Variants in HERC2 observed in about 807,000 individuals in gnomAD.
HERC2 encodes the protein E3 ubiquitin-protein ligase HERC2.
HERC2 carries 102 observed loss-of-function variants against 537.7 expected under a neutral mutation model. That is an observed-to-expected ratio of 0.19 (90% CI 0.16 to 0.22). The LOEUF (loss-of-function observed/expected upper bound fraction) is 0.22. Among genes scored for constraint, HERC2 ranks in the 10% least tolerant of loss-of-function variants. The pLI, the probability that HERC2 is intolerant of heterozygous loss-of-function variation, is 1.00. For missense variants in HERC2, 4,236 were observed against 6,198.2 expected (o/e 0.68, Z 10.63); for synonymous variants, 2,224 against 2,466.2 (o/e 0.90, Z 2.91).
At chr15:28,311,563 G>A (rs1470413134) in intron 2 of HERC2, among the ~76,000 whole-genome samples, 4 of 152,092 alleles carry the variant, frequency 2.6e-5, no homozygotes, top group Non-Finnish European at 5.9e-5. Flanking sequence ...AATTAGTTCC[G>A]TTTTAACCAC....
intron 89 of HERC2, among the ~76,000 whole-genome samples, chr15:28,115,032 A>C (rs1209967207): frequency 2.0e-5 from 3 of 151,940 alleles, no homozygotes; most frequent in African/African-American, 7.3e-5. Context: ...AAAACTAACC[A>C]CCGAGAAAGT....
At chr15:28,245,824 T>C (rs1903654693) in intron 23 of HERC2, 57 bp downstream of exon 23, 4 of 1,393,900 alleles carry the variant, frequency 2.9e-6, no homozygotes, top group East Asian at 4.6e-5. Flanking sequence ...AAGGCAAGAA[T>C]AGGTTAGACA....
intron 65 of HERC2, among the ~76,000 whole-genome samples, chr15:28,170,862 A>G (rs1302877573): frequency 6.6e-6 from 1 of 152,166 alleles, no homozygotes; most frequent in Non-Finnish European, 1.5e-5. Context: ...CAAAGAGGAG[A>G]TATGGACAGT....
intron 78 of HERC2, among the ~76,000 whole-genome samples, chr15:28,138,302 T>C (rs1890857541): frequency 6.6e-6 from 1 of 152,170 alleles, no homozygotes; most frequent in Admixed American, 6.5e-5. Flanking sequence ...CAACCGTCTA[T>C]TGGAAGAAGA....
chr15:28,186,457 C>G, intron 56 of HERC2, 120 bp downstream of exon 56: 2 of 693,004 alleles, frequency 2.9e-6, no homozygotes, highest in Non-Finnish European at 4.5e-6. Context: ...ATTTACCAAT[C>G]GTGTGGACAT....
intron 4 of HERC2, 131 bp from the exon 5 acceptor site, chr15:28,280,418 A>G (rs1596380335): frequency 4.3e-6 from 3 of 704,496 alleles, no homozygotes; most frequent in African/African-American, 3.6e-5. Flanking sequence ...GGTTTTAACC[A>G]CTTTACACAC....
rs367818214 is a variant in HERC2 at position 28,194,312 on chromosome 15, G to A, written c.8260+1903C>T. 4.3e-3 allele frequency among the ~76,000 whole-genome samples: 605 copies of A among 142,046 alleles called. 4 individuals carry two copies. The highest frequency in any genetic ancestry group is 0.015 in the African/African-American group (575 of 39,096). 93.2% of individuals were successfully genotyped at this position (142,046 alleles called of 152,430 possible). Reference sequence around the variant, plus strand: ...GATCTCCTGACCTCGTGATCCACCCGCCTCGCCTCCAAAAGTGCTGGGATT... The same window carrying A: ...GATCTCCTGACCTCGTGATCCACCCACCTCGCCTCCAAAAGTGCTGGGATT... On this transcript the variant is annotated intron_variant, in intron 52 of 92. Coordinates refer to ENST00000261609, the MANE Select transcript of HERC2 (RefSeq NM_004667.6).
intron 14 of HERC2, among the ~76,000 whole-genome samples, chr15:28,264,731 A>G (rs144669539): frequency 3.3e-5 from 5 of 152,348 alleles, no homozygotes; most frequent in African/African-American, 1.2e-4. Context: ...AGACCTTACA[A>G]AACTTTTAAC....
chr15:28,275,919 C>A (rs1033312769), intron 5 of HERC2, among the ~76,000 whole-genome samples: 1 of 151,936 alleles, frequency 6.6e-6, no homozygotes, highest in African/African-American at 2.4e-5. Flanking sequence ...ACTATATTCT[C>A]CAAATTTACT....
At chr15:28,307,866 T>C (rs1477741393) in intron 2 of HERC2, among the ~76,000 whole-genome samples, 3 of 152,248 alleles carry the variant, frequency 2.0e-5, no homozygotes, top group East Asian at 3.9e-4. Context: ...TCACCGTAGA[T>C]GTGCGGATTT....
chr15:28,225,314 G>C (rs542338166), intron 35 of HERC2, among the ~76,000 whole-genome samples: 1 of 152,134 alleles, frequency 6.6e-6, no homozygotes, highest in East Asian at 1.9e-4. Flanking sequence ...GATTAGAGCA[G>C]CCATAAATTA....
chr15:28,197,882 A>C (rs1038123680), intron 50 of HERC2, among the ~76,000 whole-genome samples: 9 of 152,206 alleles, frequency 5.9e-5, no homozygotes, highest in South Asian at 2.1e-4. Flanking sequence ...AGGCACAACC[A>C]AAACCCCTAC....
intron 78 of HERC2, among the ~76,000 whole-genome samples, chr15:28,139,602 T>C (rs971568862): frequency 6.6e-6 from 1 of 152,192 alleles, no homozygotes; most frequent in Non-Finnish European, 1.5e-5. Flanking sequence ...AGACAGTACA[T>C]TACATGAGAG....
chr15:28,116,558 G>A, intron 88 of HERC2, 107 bp downstream of exon 88: 1 of 1,161,312 alleles, frequency 8.6e-7, no homozygotes, highest in Non-Finnish European at 1.2e-6. Context: ...AAAACTAAAA[G>A]CAGATATTCA....
chr15:28,124,819 G>T (rs1462182604), intron 84 of HERC2, among the ~76,000 whole-genome samples, 187 bp downstream of exon 84: 1 of 152,202 alleles, frequency 6.6e-6, no homozygotes, highest in African/African-American at 2.4e-5. Context: ...CAAAGTGTTG[G>T]GATTACAGGT....
intron 68 of HERC2, among the ~76,000 whole-genome samples, chr15:28,166,339 G>A (rs932639781): frequency 6.6e-6 from 1 of 152,216 alleles, no homozygotes; most frequent in African/African-American, 2.4e-5. Context: ...AAAAGGGAGA[G>A]TAGGAATAAG....
chr15:28,193,810 C>G (rs1207924848), intron 52 of HERC2, among the ~76,000 whole-genome samples: 1 of 152,020 alleles, frequency 6.6e-6, no homozygotes, highest in African/African-American at 2.4e-5. Context: ...AAGAAAACAC[C>G]TAGCAAAAAG....
chr15:28,251,017 C>G (rs1382477981), intron 20 of HERC2, among the ~76,000 whole-genome samples: 1 of 152,140 alleles, frequency 6.6e-6, no homozygotes, highest in East Asian at 1.9e-4. Flanking sequence ...CAGGACCCCA[C>G]GTGCCACAGG....
chr15:28,149,873 C>CA (rs1162607624), intron 70 of HERC2, among the ~76,000 whole-genome samples: 2 of 151,490 alleles, frequency 1.3e-5, no homozygotes, highest in Admixed American at 6.6e-5. Context: ...GTAAAATTAC[C>CA]AAAAAAACAC....
Sources: gnomAD v4.1 joint callset for allele counts (sites outside exome capture counted in the v4.1 genomes callset) on GRCh38, gnomAD v4.1.1 for gene constraint, MANE v1.5 for transcripts, NCBI Gene and HGNC (gene_info 2026-07-23, HGNC 2026-07-21) for gene names.